The following CD2AP variants were observed in gnomAD, a reference collection of about 807,000 sequenced individuals.
CD2AP encodes CD2 associated protein.
Under a neutral mutation model 85.1 loss-of-function variants are expected in CD2AP, and 46 were observed. The observed-to-expected ratio is 0.54, with a 90% confidence interval of 0.43 to 0.69. The LOEUF is 0.69. Among genes scored for constraint, CD2AP ranks in the 30% least tolerant of loss-of-function variants. The probability of loss-of-function intolerance (pLI) is 0.00; values close to 1 mark genes in which losing one functional copy is unlikely to be tolerated. For synonymous variants in CD2AP, 255 were observed against 252.9 expected, an observed-to-expected ratio of 1.01 and a Z score of -0.08; for missense variants, 769 against 729.5, an observed-to-expected ratio of 1.05 and a Z score of -0.62.
intron 1 of CD2AP, 92 bp downstream of exon 1, chr6:47,478,340 G>C: frequency 6.9e-7 from 1 of 1,450,614 alleles, no homozygotes. Flanking sequence ...AGGCGACTGC[G>C]GTCAGCCCCT....
Position 47,599,100 on chromosome 6 carries a change from C to A in CD2AP, c.1275-201C>A, listed in dbSNP as rs141038904. Among the ~76,000 whole-genome samples, 74 of 151,342 alleles carry A rather than the reference C, an allele frequency of 4.9e-4. 1 individual carries two copies. In the East Asian group the frequency reaches 0.011, roughly 22 times the overall value. On this transcript the variant is annotated intron_variant, in intron 12 of 17. Coordinates refer to ENST00000359314, the MANE Select transcript of CD2AP (RefSeq NM_012120.3). ...GTTAATTTTATGTTATAATAATTTT[C>A]TACACTTAACTAAACTGTTCTCACA...
intron 3 of CD2AP, among the ~76,000 whole-genome samples, chr6:47,539,627 A>G (rs1331646863): frequency 6.6e-6 from 1 of 152,192 alleles, no homozygotes; most frequent in Non-Finnish European, 1.5e-5. Context: ...TCTTTGATGG[A>G]TTATTTAACT....
intron 2 of CD2AP, among the ~76,000 whole-genome samples, chr6:47,528,674 A>G (rs1014012720): frequency 6.6e-6 from 1 of 152,184 alleles, no homozygotes; most frequent in Non-Finnish European, 1.5e-5. Context: ...GGAACATAAC[A>G]TTTTAGTGAT....
chr6:47,485,318 G>A (rs1045028100), intron 1 of CD2AP, among the ~76,000 whole-genome samples: 1 of 152,168 alleles, frequency 6.6e-6, no homozygotes, highest in Admixed American at 6.5e-5. Context: ...ATGGAAGACA[G>A]TGATATTGAT....
At chr6:47,560,015 C>G (rs1361927268) in intron 5 of CD2AP, among the ~76,000 whole-genome samples, 1 of 152,090 alleles carries the variant, frequency 6.6e-6, no homozygotes, top group Admixed American at 6.5e-5. Context: ...TCCCATTCCT[C>G]TATACATTTC....
chr6:47,491,938 G>A (rs1279624855), intron 1 of CD2AP, among the ~76,000 whole-genome samples: 4 of 152,062 alleles, frequency 2.6e-5, no homozygotes, highest in Non-Finnish European at 4.4e-5. Context: ...AGTTCTTAGA[G>A]TTTGCTGTAC....
rs545552940 is a variant in CD2AP, at chr6:47,624,251, A to T, written c.*24A>T. On this transcript the variant is annotated 3_prime_UTR_variant, in exon 18 of 18. Transcript: ENST00000359314. ...GAGTGGTGTGGACCTGGTGTTCATA[A>T]TGTTCCAGGGATTCAGAAGCAACGC... 6.3e-7 allele frequency: 1 copy of T among 1,592,638 alleles called. No individual in the cohort carries two copies. Among genetic ancestry groups the T allele is most frequent in the East Asian group, 2.2e-5 (1 of 44,640 alleles).
intron 1 of CD2AP, among the ~76,000 whole-genome samples, chr6:47,496,167 T>G (rs1765852461): frequency 6.6e-6 from 1 of 152,166 alleles, no homozygotes; most frequent in Admixed American, 6.5e-5. Context: ...TGTAGCAAAG[T>G]CCCACTTCTG....
rs552949453 is a variant in CD2AP, at chr6:47,518,276, A to AATATACCTATGCAGCTATACCT, written c.165+14854_165+14875dup. ...AAGTGTATTTCTGTGAGTTTTGACA[A>AATATACCTATGCAGCTATACCT]ATATACCTATGCAGCTATACCTATA... On this transcript the variant is annotated intron_variant, in intron 2 of 17. Transcript: ENST00000359314. Among the ~76,000 whole-genome samples, 15 of 152,360 alleles carry AATATACCTATGCAGCTATACCT rather than the reference A, an allele frequency of 9.8e-5. 1 individual carries two copies. The South Asian group carries it at 2.9e-3, about 29-fold the overall frequency.
chr6:47,477,980 A>C lies in CD2AP; in HGVS notation c.-265A>C. On this transcript the variant is annotated 5_prime_UTR_variant, in exon 1 of 18. Coordinates refer to ENST00000359314, the MANE Select transcript of CD2AP (RefSeq NM_012120.3). ...AAAACCGCGGTCGGGCGGGCGGGGT[A>C]GGGCCCTCCCGCCGCCGTGGCTCCT... is the stretch of plus-strand genomic sequence containing the variant. 7.3e-6 allele frequency: 4 copies of C among 545,284 alleles called. No individual in the cohort carries two copies. The highest frequency in any genetic ancestry group is 3.3e-5 in the East Asian group (1 of 30,464). The allele number at this position is 545,284 out of a possible 1,614,324, so 33.8% of individuals were successfully genotyped here. A position where few individuals can be genotyped will look rare whatever the true frequency, so the allele number is the denominator to read the frequency against.
chr6:47,584,544 C>T (rs189223508), intron 11 of CD2AP, among the ~76,000 whole-genome samples: 51 of 152,090 alleles, frequency 3.4e-4, no homozygotes, highest in Admixed American at 1.8e-3. Flanking sequence ...ACTGACCCCC[C>T]GATTACATTT....
intron 2 of CD2AP, among the ~76,000 whole-genome samples, chr6:47,519,637 C>A (rs1253268243): frequency 6.6e-6 from 1 of 152,140 alleles, no homozygotes; most frequent in African/African-American, 2.4e-5. Context: ...GTGTCTATTC[C>A]TTGTATGTAG....
chr6:47,596,069 C>T, intron 12 of CD2AP, 43 bp downstream of exon 12: 3 of 1,417,258 alleles, frequency 2.1e-6, no homozygotes, highest in Non-Finnish European at 3.0e-6. Flanking sequence ...GATTTACTCA[C>T]CTTTGACCTT....
At chr6:47,509,782 T>C (rs1210474953) in intron 2 of CD2AP, among the ~76,000 whole-genome samples, 1 of 152,228 alleles carries the variant, frequency 6.6e-6, no homozygotes, top group Non-Finnish European at 1.5e-5. Context: ...TTTTCTCCAC[T>C]TTAAAGTGGT....
chr6:47,502,494 T>G (rs1044439854), intron 1 of CD2AP, among the ~76,000 whole-genome samples: 6 of 132,966 alleles, frequency 4.5e-5, no homozygotes, highest in East Asian at 2.1e-4. Context: ...AACTCCTGAG[T>G]TTTTTTTTTT....
intron 16 of CD2AP, among the ~76,000 whole-genome samples, chr6:47,610,199 A>C (rs1198460822): frequency 1.3e-5 from 2 of 152,152 alleles, no homozygotes; most frequent in African/African-American, 4.8e-5. Context: ...ACTCAAACCC[A>C]TATTATCTGT....
intron 2 of CD2AP, among the ~76,000 whole-genome samples, chr6:47,523,216 A>G (rs1292068491): frequency 3.9e-5 from 6 of 152,110 alleles, no homozygotes. Flanking sequence ...GAACATTTTG[A>G]TGTTTGATTT....
At chr6:47,591,392 G>A (rs1336066143) in intron 11 of CD2AP, among the ~76,000 whole-genome samples, 1 of 152,058 alleles carries the variant, frequency 6.6e-6, no homozygotes, top group African/African-American at 2.4e-5. Context: ...ATGTTATGCT[G>A]CAGTTTAAAC....
intron 1 of CD2AP, among the ~76,000 whole-genome samples, chr6:47,484,075 T>G (rs1405613729): frequency 6.6e-6 from 1 of 152,180 alleles, no homozygotes; most frequent in Non-Finnish European, 1.5e-5. Context: ...TTTAAATTTT[T>G]TTTTGGTAAT....
Sources: allele counts gnomAD v4.1 joint callset (sites outside exome capture counted in the v4.1 genomes callset), GRCh38; gene constraint gnomAD v4.1.1; transcripts MANE v1.5; gene names NCBI Gene and HGNC (gene_info 2026-07-23, HGNC 2026-07-21).